Variants in TNKS observed in about 807,000 individuals in gnomAD.
The protein encoded by TNKS is poly [ADP-ribose] polymerase tankyrase-1.
Under a neutral mutation model 135.8 loss-of-function variants are expected in TNKS, and 72 were observed. The observed-to-expected ratio is 0.53, with a 90% CI of 0.44 to 0.64. TNKS has a LOEUF of 0.64. TNKS is among the 30% of genes least tolerant of loss of function. The pLI is 0.00. For synonymous variants in TNKS, 849 were observed against 649.3 expected (o/e 1.31, Z -4.68); for missense variants, 1,769 against 1,674.0 (o/e 1.06, Z -0.99).
At chr8:9,567,508 C>T (rs945668368) in intron 1 of TNKS, among the ~76,000 whole-genome samples, 7 of 152,186 alleles carry the variant, frequency 4.6e-5, no homozygotes, top group Non-Finnish European at 1.0e-4. Flanking sequence ...CTCTGCCTCC[C>T]GGGTTCACGC....
intron 2 of TNKS, among the ~76,000 whole-genome samples, chr8:9,605,247 C>G (rs1278182789): frequency 6.6e-6 from 1 of 152,010 alleles, no homozygotes; most frequent in Admixed American, 6.5e-5. Context: ...ATTTTCCCTT[C>G]TAGAAATATG....
At chr8:9,722,059 C>T (rs1349690297) in intron 12 of TNKS, among the ~76,000 whole-genome samples, 1 of 47,292 alleles carries the variant, frequency 2.1e-5, no homozygotes, top group African/African-American at 6.2e-5. Flanking sequence ...TCCATCTCAA[C>T]AAAAAAAAAA....
At chr8:9,637,943 A>T (rs954398788) in intron 3 of TNKS, among the ~76,000 whole-genome samples, 1 of 152,056 alleles carries the variant, frequency 6.6e-6, no homozygotes, top group Non-Finnish European at 1.5e-5. Flanking sequence ...CCTTCTGAAT[A>T]TTTGAACTCT....
At chr8:9,633,876 A>G (rs900889338) in intron 3 of TNKS, among the ~76,000 whole-genome samples, 3 of 152,124 alleles carry the variant, frequency 2.0e-5, no homozygotes, top group African/African-American at 7.2e-5. Flanking sequence ...GAGATATGAT[A>G]GTCCCCATGT....
At chr8:9,662,941 T>C (rs1321979319) in intron 3 of TNKS, among the ~76,000 whole-genome samples, 1 of 152,188 alleles carries the variant, frequency 6.6e-6, no homozygotes, top group East Asian at 1.9e-4. Context: ...ATAAAAAGAC[T>C]GCGGATGTGA....
At chr8:9,590,247 C>G (rs1043363670) in intron 2 of TNKS, among the ~76,000 whole-genome samples, 28 of 152,130 alleles carry the variant, frequency 1.8e-4, no homozygotes, top group African/African-American at 6.5e-4. Flanking sequence ...CCCTCCCTTT[C>G]TCTCCACCTT....
chr8:9,577,565 T>A (rs1045141405), intron 1 of TNKS, among the ~76,000 whole-genome samples: 1 of 152,078 alleles, frequency 6.6e-6, no homozygotes, highest in African/African-American at 2.4e-5. Context: ...GAGGAGGTGC[T>A]ACACACTTTT....
chr8:9,591,983 G>T (rs2128754928), intron 2 of TNKS, among the ~76,000 whole-genome samples: 1 of 152,224 alleles, frequency 6.6e-6, no homozygotes, highest in East Asian at 1.9e-4. Flanking sequence ...TATTTTTAAA[G>T]ATTAAAATGA....
At chr8:9,749,498 A>G (rs1042251998) in intron 18 of TNKS, among the ~76,000 whole-genome samples, 1 of 141,148 alleles carries the variant, frequency 7.1e-6, no homozygotes, top group Non-Finnish European at 1.5e-5. Flanking sequence ...CCCTTAAGAC[A>G]CAGTCTGGCT....
rs1804816876 is a variant in TNKS, at chr8:9,720,418, C to T, written c.1794C>T (p.Ala598=). 5.6e-6 allele frequency: 9 copies of T among 1,613,848 alleles called. No homozygotes were observed. Among genetic ancestry groups the T allele is most frequent in the Admixed American group, 1.7e-5 (1 of 59,988 alleles). The change falls in exon 12 of 27, where the codon GCC becomes GCT. Residue 598 remains alanine, a synonymous_variant. Transcript: ENST00000310430. The stretch of plus-strand genomic sequence containing the variant: ...TTGGTCAGACTGCTTTGCATAGAGC[C>T]GCCCTAGCAGGTCACCTGCAGACCT... ...DTLGQTALHR[A]ALAGHLQTCR...
chr8:9,724,786 A>G (rs1197554178), intron 12 of TNKS, among the ~76,000 whole-genome samples: 1 of 152,222 alleles, frequency 6.6e-6, no homozygotes, highest in East Asian at 1.9e-4. Context: ...TCATAGTTCC[A>G]GAAGCATTCT....
chr8:9,615,478 T>C (rs1014689416), intron 2 of TNKS, 104 bp from the exon 3 acceptor site: 5 of 795,486 alleles, frequency 6.3e-6, no homozygotes, highest in African/African-American at 1.8e-5. Context: ...GAGAAAAAAT[T>C]TGTGCAATGT....
chr8:9,781,628 C>A lies in TNKS; in HGVS notation c.*4892C>A, dbSNP rs1426555337. ...TTATCTTTGTAGTAGTAATGTTTGT[C>A]TTTGATACCTACAAACTAAAAAGGT... On this transcript the variant is annotated 3_prime_UTR_variant, in exon 27 of 27. Coordinates refer to ENST00000310430, the MANE Select transcript of TNKS (RefSeq NM_003747.3). The A allele has an allele frequency of 6.6e-6, 1 of 152,586 alleles. No individual in the cohort carries two copies. Among genetic ancestry groups the A allele is most frequent in the Non-Finnish European group, 1.5e-5 (1 of 68,032 alleles). 9.5% of individuals were successfully genotyped at this position (152,586 alleles called of 1,614,324 possible). A position where few individuals can be genotyped will look rare whatever the true frequency, so the allele number is the denominator to read the frequency against.
intron 2 of TNKS, among the ~76,000 whole-genome samples, chr8:9,605,323 A>G (rs189302564): frequency 8.1e-4 from 123 of 152,190 alleles, no homozygotes; most frequent in African/African-American, 2.8e-3. Flanking sequence ...TCCCTGTTGT[A>G]TGAAACGAAA....
chr8:9,752,461 A>C, intron 19 of TNKS, 83 bp from the exon 20 acceptor site: 1 of 951,312 alleles, frequency 1.1e-6, no homozygotes, highest in Non-Finnish European at 1.6e-6. Flanking sequence ...CAAGGTTGTC[A>C]GAGTCATGTC....
At chr8:9,662,216 A>G (rs1399776201) in intron 3 of TNKS, among the ~76,000 whole-genome samples, 1 of 152,192 alleles carries the variant, frequency 6.6e-6, no homozygotes, top group African/African-American at 2.4e-5. Flanking sequence ...AACTAGAAAT[A>G]CCATTTGACG....
intron 3 of TNKS, among the ~76,000 whole-genome samples, chr8:9,640,289 C>T (rs1000565877): frequency 1.2e-4 from 18 of 151,996 alleles, no homozygotes; most frequent in East Asian, 1.9e-4. Flanking sequence ...TGTTATTCCA[C>T]GGCAGACGGC....
At chr8:9,585,525 C>T (rs1202457805) in intron 2 of TNKS, among the ~76,000 whole-genome samples, 2 of 151,964 alleles carry the variant, frequency 1.3e-5, no homozygotes, top group African/African-American at 4.8e-5. Flanking sequence ...GAATAAGTTG[C>T]CTACAGAGGG....
At chr8:9,577,201 C>T (rs1277921300) in intron 1 of TNKS, among the ~76,000 whole-genome samples, 1 of 151,478 alleles carries the variant, frequency 6.6e-6, no homozygotes, top group Non-Finnish European at 1.5e-5. Context: ...TGGTAGAGGG[C>T]AACTTGGCAA....
Sources: gnomAD v4.1 joint callset for allele counts (sites outside exome capture counted in the v4.1 genomes callset) on GRCh38, gnomAD v4.1.1 for gene constraint, MANE v1.5 for transcripts, NCBI Gene and HGNC (gene_info 2026-07-23, HGNC 2026-07-21) for gene names.